HIVEP2: variants seen among roughly 807,000 people sequenced by gnomAD.
HIVEP2 encodes HIVEP zinc finger 2, also known as transcription factor HIVEP2.
HIVEP2 carries 14 observed loss-of-function variants against 180.7 expected under a neutral mutation model. That is an observed-to-expected ratio of 0.08 (90% CI 0.05 to 0.12). HIVEP2 has a LOEUF of 0.12. HIVEP2 is among the 10% of genes least tolerant of loss of function. The pLI is 1.00. For missense variants in HIVEP2, 2,579 were observed against 3,008.5 expected (o/e 0.86, Z 3.34); for synonymous variants, 1,184 against 1,136.4 (o/e 1.04, Z -0.84).
intron 2 of HIVEP2, among the ~76,000 whole-genome samples, chr6:142,793,695 C>G (rs569298384): frequency 6.4e-5 from 8 of 125,570 alleles, no homozygotes; most frequent in East Asian, 7.0e-4. Context: ...CTCTCTCTCT[C>G]TCTGTCTGTC....
rs1464420299 is a variant in HIVEP2 at position 142,876,910 on chromosome 6, G to GT, written c.-640-39864dup. ...CACAAAATGCAAACATTAGTTGAGC[G>GT]TGGTGGCATGGGCCTATAGTCGCAG... On this transcript the variant is annotated intron_variant, in intron 1 of 9. Coordinates refer to ENST00000367603, the MANE Select transcript of HIVEP2 (RefSeq NM_006734.4). Among the ~76,000 whole-genome samples, 3 of 152,044 alleles carry GT rather than the reference G, an allele frequency of 2.0e-5. No individual in the cohort carries two copies. In the East Asian group the frequency reaches 5.8e-4, roughly 29 times the overall value.
intron 1 of HIVEP2, among the ~76,000 whole-genome samples, chr6:142,921,371 T>C (rs1213389974): frequency 2.0e-5 from 3 of 152,168 alleles, no homozygotes; most frequent in Non-Finnish European, 2.9e-5. Flanking sequence ...CCTGTCTCTA[T>C]TAAATATACA....
At chr6:142,787,665 AG>A (rs1776037793) in intron 2 of HIVEP2, among the ~76,000 whole-genome samples, 1 of 152,072 alleles carries the variant, frequency 6.6e-6, no homozygotes, top group Non-Finnish European at 1.5e-5. Flanking sequence ...TAGAGAAGGC[AG>A]GTACAGGATA....
At position 142,797,551 on chromosome 6, in the gene HIVEP2, G is replaced by A. The variant is rs897932495; in HGVS notation, c.-527-13936C>T. ...CATTGCATACATATGTGCTTGGGGC[G>A]CCCAGATAGTATGGACAAAATACCC... On this transcript the variant is annotated intron_variant, in intron 2 of 9. Coordinates refer to ENST00000367603, the MANE Select transcript of HIVEP2 (RefSeq NM_006734.4). 7.2e-5 allele frequency among the ~76,000 whole-genome samples: 11 copies of A among 152,220 alleles called. No individual in the cohort carries two copies. The East Asian group carries it at 7.7e-4, about 11-fold the overall frequency.
chr6:142,760,192 T>G lies in HIVEP2; in HGVS notation c.6096A>C (p.Pro2032=). The G allele has an allele frequency of 1.2e-6, 2 of 1,614,092 alleles. No homozygotes were observed. Among genetic ancestry groups the G allele is most frequent in the Non-Finnish European group, 1.7e-6 (2 of 1,179,972 alleles). Residue 2032 remains proline (P), a synonymous_variant, in exon 9 of 10, where the codon CCA becomes CCC. Coordinates refer to ENST00000367603, the MANE Select transcript of HIVEP2 (RefSeq NM_006734.4). ...GTGAGAAGTCCCTGGGAGAGGAGCTTGGCTCTGAAGGTAGCATGCACTCCT... is the reference window on the plus strand; with the variant it reads ...GTGAGAAGTCCCTGGGAGAGGAGCTGGGCTCTGAAGGTAGCATGCACTCCT... The part of the protein sequence containing the change: ...MDEECMLPSE[P]SSSPRDFSPS...
chr6:142,783,326 C>CAAAAAAAAAAAAAAAAAA (rs567202980), intron 3 of HIVEP2, among the ~76,000 whole-genome samples, 195 bp downstream of exon 3: 2 of 71,070 alleles, frequency 2.8e-5, no homozygotes, highest in African/African-American at 5.7e-5. Context: ...GACTCCGTCA[C>CAAAAAAAAAAAAAAAAAA]AAAAAAAAAA....
intron 1 of HIVEP2, among the ~76,000 whole-genome samples, chr6:142,871,605 A>C (rs2128411787): frequency 1.3e-5 from 2 of 148,976 alleles, no homozygotes; most frequent in Non-Finnish European, 3.0e-5. Context: ...CATTGTGTGA[A>C]TAGATCAGAA....
chr6:142,756,477 G>A, intron 9 of HIVEP2, among the ~76,000 whole-genome samples: 1 of 152,256 alleles, frequency 6.6e-6, no homozygotes, highest in South Asian at 2.1e-4. Context: ...CTCCCTGGCT[G>A]CCAGAAACAA....
intron 1 of HIVEP2, among the ~76,000 whole-genome samples, chr6:142,862,465 CATATATTTTATAATACAT>C (rs1776006494): frequency 7.5e-6 from 1 of 133,900 alleles, no homozygotes; most frequent in African/African-American, 2.7e-5. Context: ...TTATATGTAT[CATATATTTTATAATACAT>C]ATAATCGATT....
intron 1 of HIVEP2, among the ~76,000 whole-genome samples, chr6:142,930,977 C>T (rs372408606): frequency 4.6e-5 from 7 of 152,006 alleles, no homozygotes; most frequent in African/African-American, 1.7e-4. Context: ...GTTCCAAAAT[C>T]AAAGTACCCA....
intron 1 of HIVEP2, among the ~76,000 whole-genome samples, chr6:142,882,811 G>A (rs950145764): frequency 1.3e-5 from 2 of 152,076 alleles, no homozygotes; most frequent in African/African-American, 2.4e-5. Flanking sequence ...AAAATTCAGT[G>A]TCACATTACC....
rs566431543 is a variant in HIVEP2, at chr6:142,828,643, G to A, written c.-528+8292C>T. 2.0e-5 allele frequency among the ~76,000 whole-genome samples: 3 copies of A among 152,132 alleles called. No homozygotes were observed. In the South Asian group the frequency reaches 6.2e-4, roughly 32 times the overall value. On this transcript the variant is annotated intron_variant, in intron 2 of 9. Transcript: ENST00000367603. ...GATGGGGTTTCACCATGTTGGTCAGGCTGGTCTCGAACTCCTGACCTCGTG... is the reference window on the plus strand; with the variant it reads ...GATGGGGTTTCACCATGTTGGTCAGACTGGTCTCGAACTCCTGACCTCGTG...
intron 2 of HIVEP2, among the ~76,000 whole-genome samples, chr6:142,791,044 C>G (rs1296420507): frequency 1.3e-5 from 2 of 152,192 alleles, no homozygotes; most frequent in Non-Finnish European, 2.9e-5. Flanking sequence ...AATAACTGAG[C>G]TGCTGAAAGA....
intron 1 of HIVEP2, among the ~76,000 whole-genome samples, chr6:142,871,489 C>A (rs1005067244): frequency 6.6e-6 from 1 of 151,894 alleles, no homozygotes; most frequent in African/African-American, 2.4e-5. Context: ...TCCTTTTATG[C>A]AAGACCATAA....
chr6:142,766,313 C>A (rs1471160499), intron 6 of HIVEP2, among the ~76,000 whole-genome samples: 1 of 152,172 alleles, frequency 6.6e-6, no homozygotes, highest in Non-Finnish European at 1.5e-5. Flanking sequence ...TGCATGTCTT[C>A]CGTTCCTTTA....
At chr6:142,766,705 G>A (rs1173004454) in intron 6 of HIVEP2, among the ~76,000 whole-genome samples, 1 of 151,960 alleles carries the variant, frequency 6.6e-6, no homozygotes. Flanking sequence ...TAGAGAAACT[G>A]GTATAAATAA....
intron 6 of HIVEP2, among the ~76,000 whole-genome samples, chr6:142,765,338 AG>A (rs1462092621): frequency 1.3e-5 from 2 of 152,246 alleles, no homozygotes; most frequent in Admixed American, 6.5e-5. Context: ...ACATACAAAA[AG>A]CATACCAACA....
chr6:142,876,856 TCACACACA>T (rs10548517), intron 1 of HIVEP2, among the ~76,000 whole-genome samples: 4 of 149,618 alleles, frequency 2.7e-5, no homozygotes, highest in African/African-American at 9.9e-5. Context: ...AATCCCATCT[TCACACACA>T]CACACACACA....
chr6:142,933,088 C>G (rs1777979180), intron 1 of HIVEP2, among the ~76,000 whole-genome samples: 1 of 152,180 alleles, frequency 6.6e-6, no homozygotes, highest in Non-Finnish European at 1.5e-5. Flanking sequence ...GATGATGCAG[C>G]CTGCTCAAAA....
Sources: gnomAD v4.1 joint callset for allele counts (sites outside exome capture counted in the v4.1 genomes callset) on GRCh38, gnomAD v4.1.1 for gene constraint, MANE v1.5 for transcripts, NCBI Gene and HGNC (gene_info 2026-07-23, HGNC 2026-07-21) for gene names.